Variants in ZBTB44 observed in about 807,000 individuals in gnomAD.
ZBTB44 encodes zinc finger and BTB domain-containing protein 44.
ZBTB44 carries 15 observed loss-of-function variants against 54.0 expected under a neutral mutation model. The observed-to-expected ratio is 0.28, with a 90% confidence interval of 0.19 to 0.43. ZBTB44 has a LOEUF of 0.43. Among genes scored for constraint, ZBTB44 ranks in the 20% least tolerant of loss-of-function variants. The pLI, the probability that ZBTB44 is intolerant of heterozygous loss-of-function variation, is 1.00. For synonymous variants in ZBTB44, 230 were observed against 250.1 expected, an observed-to-expected ratio of 0.92 and a Z score of 0.76; for missense variants, 487 against 707.1, an observed-to-expected ratio of 0.69 and a Z score of 3.53.
chr11:130,288,065 T>C (rs1941074982), intron 1 of ZBTB44, among the ~76,000 whole-genome samples: 1 of 152,132 alleles, frequency 6.6e-6, no homozygotes, highest in African/African-American at 2.4e-5. Flanking sequence ...CTCACATGTG[T>C]TAAGTCTGTT....
chr11:130,268,278 T>A (rs1939410309), intron 1 of ZBTB44, among the ~76,000 whole-genome samples: 1 of 150,704 alleles, frequency 6.6e-6, no homozygotes, highest in Non-Finnish European at 1.5e-5. Flanking sequence ...ATTCAACCCA[T>A]GTGGCAAACT....
At chr11:130,253,795 C>T (rs1037962113) in intron 2 of ZBTB44, among the ~76,000 whole-genome samples, 4 of 151,808 alleles carry the variant, frequency 2.6e-5, no homozygotes, top group Non-Finnish European at 5.9e-5. Flanking sequence ...AAGCTGGAGG[C>T]ACCACACTAC....
intron 1 of ZBTB44, among the ~76,000 whole-genome samples, chr11:130,265,664 A>G (rs112523535): frequency 0.041 from 6,220 of 152,300 alleles, 316 homozygotes; most frequent in African/African-American, 0.12. Flanking sequence ...ATGAGAAAGT[A>G]AAACAGCCTT....
chr11:130,270,586 G>T (rs1008906594), intron 1 of ZBTB44, among the ~76,000 whole-genome samples: 1 of 152,130 alleles, frequency 6.6e-6, no homozygotes, highest in Non-Finnish European at 1.5e-5. Flanking sequence ...AGCCACATGG[G>T]AGTAGAAGAG....
At chr11:130,237,940 T>C (rs2136281484) in intron 4 of ZBTB44, among the ~76,000 whole-genome samples, 1 of 152,356 alleles carries the variant, frequency 6.6e-6, no homozygotes, top group Admixed American at 6.5e-5. Context: ...AAAATCTCTG[T>C]TATGTTTAAA....
At position 130,261,657 on chromosome 11, in the gene ZBTB44, C is replaced by A; in HGVS notation, c.217G>T (p.Asp73Tyr). 1 of 1,614,008 alleles carries A rather than the reference C, an allele frequency of 6.2e-7. No individual in the cohort carries two copies. Among genetic ancestry groups the A allele is most frequent in the East Asian group, 2.2e-5 (1 of 44,876 alleles). Residue 73 changes from aspartate (D) to tyrosine (Y), a missense_variant, in exon 2 of 8, where the codon GAT becomes TAT. This residue lies in a region of ZBTB44 where 90 missense variants were observed against 160.3 expected (regional missense o/e 0.56). Transcript: ENST00000357899. This position sits in a 1 kb window ranked among gnomAD's most constrained non-coding sequence, Gnocchi z 4.8. ...QAEDENKNVL[D>Y]LHHVTVTGFI... ...CCAGTCACTGTAACATGATGCAGAT[C>A]CAACACATTCTTGTTCTCATCCTCG...
Position 130,291,625 on chromosome 11 carries a change from C to T in ZBTB44, c.-57+22750G>A, listed in dbSNP as rs375091568. 5.9e-5 allele frequency among the ~76,000 whole-genome samples: 9 copies of T among 152,140 alleles called. 1 individual carries two copies. The East Asian group carries it at 7.7e-4, about 13-fold the overall frequency. On this transcript the variant is annotated intron_variant, in intron 1 of 7. Transcript: ENST00000357899. ...TTTATCATTAAACCAAGCTGTCTTTCTCTACACTGAACTCTGGTGGTAGTT... is the reference window on the plus strand; with the variant it reads ...TTTATCATTAAACCAAGCTGTCTTTTTCTACACTGAACTCTGGTGGTAGTT...
chr11:130,281,309 C>T (rs1940479627), intron 1 of ZBTB44, among the ~76,000 whole-genome samples: 2 of 152,060 alleles, frequency 1.3e-5, no homozygotes, highest in Non-Finnish European at 2.9e-5. Context: ...CACTTGAGCC[C>T]AAGAGTTCAA....
chr11:130,311,213 T>C (rs1204279828), intron 1 of ZBTB44, among the ~76,000 whole-genome samples: 2 of 152,100 alleles, frequency 1.3e-5, no homozygotes, highest in South Asian at 4.1e-4. Flanking sequence ...AATAAGTTTA[T>C]TATTTTTTTT....
rs1271980431 is a variant in ZBTB44, at chr11:130,293,308, A to T, written c.-57+21067T>A. On this transcript the variant is annotated intron_variant, in intron 1 of 7. Transcript: ENST00000357899. ...GAGAACTTGTCTCTACTAAAAATTA[A>T]AAAAAAAAAAAAAAAATTAGCTAAG... 3.0e-3 allele frequency among the ~76,000 whole-genome samples: 39 copies of T among 12,942 alleles called. 1 individual carries two copies. In the South Asian group the frequency reaches 0.056, roughly 19 times the overall value. The allele number at this position is 12,942 out of a possible 152,430, so 8.5% of individuals were successfully genotyped here. A position where few individuals can be genotyped will look rare whatever the true frequency, so the allele number is the denominator to read the frequency against.
chr11:130,263,778 T>C lies in ZBTB44; in HGVS notation c.-56-1849A>G, dbSNP rs1239230211. ...CAAAGAGTAGATATGAAAAGGATTT[T>C]TGCTGAGAGTAATCAGTTTGTTGTG... On this transcript the variant is annotated intron_variant, in intron 1 of 7. Transcript: ENST00000357899. Among the ~76,000 whole-genome samples the C allele has an allele frequency of 2.6e-5, 4 of 152,318 alleles. No homozygotes were observed. The South Asian group carries it at 8.3e-4, about 32-fold the overall frequency.
chr11:130,291,270 C>T (rs1027765309), intron 1 of ZBTB44, among the ~76,000 whole-genome samples: 5 of 152,080 alleles, frequency 3.3e-5, no homozygotes, highest in African/African-American at 1.2e-4. Context: ...TCCTGAGTAG[C>T]TGGGATTATA....
chr11:130,275,416 C>A (rs906633545), intron 1 of ZBTB44, among the ~76,000 whole-genome samples: 6 of 152,100 alleles, frequency 3.9e-5, no homozygotes, highest in Non-Finnish European at 8.8e-5. Context: ...TGGGCTCAAG[C>A]GATTCTCCTG....
chr11:130,300,988 ATTTTT>A (rs140140699), intron 1 of ZBTB44, among the ~76,000 whole-genome samples: 1 of 150,206 alleles, frequency 6.7e-6, no homozygotes, highest in Non-Finnish European at 1.5e-5. Flanking sequence ...ACTCTCTCAG[ATTTTT>A]TTTTTATTAA....
Position 130,229,501 on chromosome 11 carries a change from A to G in ZBTB44, c.*2263T>C, listed in dbSNP as rs1328043818. ...TAATTCATCTTGCTGAGGACTTTCCAAATAAAAATACTCTGTCACCATACT... is the reference window on the plus strand; with the variant it reads ...TAATTCATCTTGCTGAGGACTTTCCGAATAAAAATACTCTGTCACCATACT... On this transcript the variant is annotated 3_prime_UTR_variant, in exon 8 of 8. Transcript: ENST00000357899. 1 of 152,210 alleles carries G rather than the reference A, an allele frequency of 6.6e-6. No homozygotes were observed. The highest frequency in any genetic ancestry group is 1.9e-4 in the East Asian group (1 of 5,200). The allele number at this position is 152,210 out of a possible 1,614,324, so 9.4% of individuals were successfully genotyped here. A position where few individuals can be genotyped will look rare whatever the true frequency, so the allele number is the denominator to read the frequency against.
chr11:130,233,663 T>C lies in ZBTB44; in HGVS notation c.1687-281A>G, dbSNP rs926889472. On this transcript the variant is annotated intron_variant, in intron 6 of 7. Coordinates refer to ENST00000357899, the MANE Select transcript of ZBTB44 (RefSeq NM_001301098.2). Reference sequence around the variant, plus strand: ...CTTGTCTCAAGAAGGTCAATAATCATCTGATTTCCTCTCTAGCTAATGATC... The same window carrying C: ...CTTGTCTCAAGAAGGTCAATAATCACCTGATTTCCTCTCTAGCTAATGATC... 1.0e-5 allele frequency: 13 copies of C among 1,259,102 alleles called. No individual in the cohort carries two copies. In the African/African-American group the frequency reaches 1.7e-4, roughly 16 times the overall value. The allele number at this position is 1,259,102 out of a possible 1,614,324, so 78.0% of individuals were successfully genotyped here.
At chr11:130,235,446 A>G (rs1394477369) in intron 5 of ZBTB44, among the ~76,000 whole-genome samples, 1 of 152,212 alleles carries the variant, frequency 6.6e-6, no homozygotes, top group Non-Finnish European at 1.5e-5. Context: ...ATTAAACAAA[A>G]TGAATGTCTG....
At chr11:130,238,672 A>C in intron 3 of ZBTB44, 65 bp from the exon 4 acceptor site, 2 of 1,400,508 alleles carry the variant, frequency 1.4e-6, no homozygotes. Context: ...ACACTGCTAT[A>C]GGTCAATTTT....
At chr11:130,252,482 A>C (rs1022169472) in intron 2 of ZBTB44, among the ~76,000 whole-genome samples, 3 of 152,236 alleles carry the variant, frequency 2.0e-5, no homozygotes, top group Non-Finnish European at 4.4e-5. Context: ...CATTCTTCTC[A>C]GCACCGCATG....
Sources: allele counts gnomAD v4.1 joint callset (sites outside exome capture counted in the v4.1 genomes callset), GRCh38; gene constraint gnomAD v4.1.1; regional missense constraint gnomAD v4.1.1; non-coding constraint Gnocchi (gnomAD v3.1); transcripts MANE v1.5; gene names NCBI Gene and HGNC (gene_info 2026-07-23, HGNC 2026-07-21).